The following SPAST variants were observed in gnomAD, a reference collection of about 807,000 sequenced individuals.
SPAST encodes spastin.
A neutral mutation model predicts 76.6 loss-of-function variants in SPAST; 30 were observed. That is an observed-to-expected ratio of 0.39 (90% CI 0.29 to 0.53). The LOEUF is 0.53. Ranked by LOEUF, SPAST falls within the 20% of genes least tolerant of loss-of-function variation. SPAST has a pLI of 0.68. For synonymous variants in SPAST, 305 were observed against 281.0 expected, an observed-to-expected ratio of 1.09 and a Z score of -0.86; for missense variants, 717 against 770.5, an observed-to-expected ratio of 0.93 and a Z score of 0.82.
At chr2:32,110,012 T>C (rs908849385) in intron 4 of SPAST, among the ~76,000 whole-genome samples, 2 of 148,624 alleles carry the variant, frequency 1.3e-5, no homozygotes, top group African/African-American at 4.9e-5. Flanking sequence ...TCAAAATAAC[T>C]ATGTATATAT....
intron 13 of SPAST, among the ~76,000 whole-genome samples, chr2:32,142,913 AC>A (rs1402088709): frequency 6.6e-6 from 1 of 152,088 alleles, no homozygotes; most frequent in African/African-American, 2.4e-5. Flanking sequence ...CCTCTATAAA[AC>A]TGGTTTTTTG....
chr2:32,087,587 G>T lies in SPAST; in HGVS notation c.502+9G>T. 5 of 1,497,772 alleles carry T rather than the reference G, an allele frequency of 3.3e-6. No individual in the cohort carries two copies. The highest frequency in any genetic ancestry group is 4.6e-6 in the Non-Finnish European group (5 of 1,081,502). 92.8% of individuals were successfully genotyped at this position (1,497,772 alleles called of 1,614,324 possible). On this transcript the variant is annotated intron_variant, in intron 2 of 16. Transcript: ENST00000315285. ...TATAGTTACAGGACAAGGTAAGATT[G>T]TATTTGTTTATAGCCATCCCAAATT...
At chr2:32,071,045 A>C (rs757301583) in intron 1 of SPAST, among the ~76,000 whole-genome samples, 2 of 152,194 alleles carry the variant, frequency 1.3e-5, no homozygotes, top group Non-Finnish European at 1.5e-5. Context: ...GCTCCTTGGA[A>C]TATTTGGAGG....
chr2:32,089,270 G>T (rs779916438), intron 2 of SPAST, among the ~76,000 whole-genome samples: 2 of 144,360 alleles, frequency 1.4e-5, no homozygotes, highest in African/African-American at 5.1e-5. Context: ...GAACTCCTGG[G>T]CTCAAGTGAT....
chr2:32,130,244 A>C (rs1341398743), intron 9 of SPAST: 1 of 152,160 alleles, frequency 6.6e-6, no homozygotes, highest in Non-Finnish European at 1.5e-5. Flanking sequence ...GCAGTGAGCC[A>C]CGATCATGCC....
intron 4 of SPAST, among the ~76,000 whole-genome samples, chr2:32,104,751 C>A (rs1678255204): frequency 6.6e-6 from 1 of 152,192 alleles, no homozygotes; most frequent in Admixed American, 6.5e-5. Flanking sequence ...GTTGAAAATT[C>A]TTTCCTTTAA....
intron 15 of SPAST, 62 bp from the exon 16 acceptor site, chr2:32,147,156 C>A: frequency 8.5e-7 from 1 of 1,181,188 alleles, no homozygotes; most frequent in South Asian, 1.2e-5. Flanking sequence ...TGGTTTTGCC[C>A]TTCAACAATT....
chr2:32,153,524 C>T (rs1377211552), intron 16 of SPAST, among the ~76,000 whole-genome samples: 6 of 151,646 alleles, frequency 4.0e-5, no homozygotes, highest in African/African-American at 1.5e-4. Context: ...CCATGTTGGC[C>T]AGGCTGGTCT....
At chr2:32,132,728 G>A (rs1222455169) in intron 9 of SPAST, among the ~76,000 whole-genome samples, 1 of 152,100 alleles carries the variant, frequency 6.6e-6, no homozygotes, top group Non-Finnish European at 1.5e-5. Flanking sequence ...GAAGCATTGT[G>A]CCAGGCGCAG....
intron 1 of SPAST, among the ~76,000 whole-genome samples, chr2:32,085,526 CT>C (rs1677439600): frequency 6.6e-6 from 1 of 151,860 alleles, no homozygotes; most frequent in Admixed American, 6.6e-5. Context: ...TCTTCATAAA[CT>C]TTTCTTTACA....
intron 4 of SPAST, among the ~76,000 whole-genome samples, chr2:32,113,132 A>AT (rs1233578695): frequency 2.1e-4 from 32 of 151,152 alleles, no homozygotes; most frequent in East Asian, 7.8e-4. Context: ...GATTATTATT[A>AT]TTATTTTTTT....
chr2:32,114,530 T>C, intron 4 of SPAST, 108 bp from the exon 5 acceptor site: 1 of 847,324 alleles, frequency 1.2e-6, no homozygotes, highest in Admixed American at 2.3e-5. Context: ...TTTTGAAATA[T>C]TTTTGAATTA....
At chr2:32,120,906 C>G (rs1320095714) in intron 7 of SPAST, among the ~76,000 whole-genome samples, 1 of 152,052 alleles carries the variant, frequency 6.6e-6, no homozygotes, top group Non-Finnish European at 1.5e-5. Context: ...GACTGGATGT[C>G]AAGATTTAAG....
intron 1 of SPAST, among the ~76,000 whole-genome samples, chr2:32,080,099 A>T (rs1677144533): frequency 6.6e-6 from 1 of 152,154 alleles, no homozygotes; most frequent in African/African-American, 2.4e-5. Context: ...TTCATTTTTT[A>T]AAATAATAGT....
At chr2:32,089,067 A>T (rs1362801396) in intron 2 of SPAST, among the ~76,000 whole-genome samples, 3 of 152,004 alleles carry the variant, frequency 2.0e-5, no homozygotes, top group South Asian at 2.1e-4. Context: ...TATAGGTATT[A>T]TATGTATTCT....
intron 2 of SPAST, among the ~76,000 whole-genome samples, chr2:32,088,074 G>A (rs1677564180): frequency 6.6e-6 from 1 of 151,928 alleles, no homozygotes; most frequent in African/African-American, 2.4e-5. Context: ...TTTTAGTGAA[G>A]ATGGGGTTTT....
At chr2:32,143,287 T>A (rs1679781496) in intron 13 of SPAST, 49 bp from the exon 14 acceptor site, 2 of 1,119,128 alleles carry the variant, frequency 1.8e-6, no homozygotes, top group Admixed American at 1.8e-5. Flanking sequence ...AAGAAAAGAA[T>A]CATTAATTCT....
At chr2:32,094,461 C>T (rs940950742) in intron 3 of SPAST, among the ~76,000 whole-genome samples, 1 of 152,078 alleles carries the variant, frequency 6.6e-6, no homozygotes, top group African/African-American at 2.4e-5. Flanking sequence ...TAATGGTCCA[C>T]AGAGAAGTAA....
In SPAST at chr2:32,148,612, A is replaced by G. The variant is rs187175699; in HGVS notation, c.1728+1354A>G. Among the ~76,000 whole-genome samples the G allele has an allele frequency of 2.0e-4, 30 of 152,294 alleles. 1 individual carries two copies. In the East Asian group the frequency reaches 5.0e-3, roughly 25 times the overall value. ...ATCACGAGGTCAGGAGATCGAGACC[A>G]TGCTGGCTAACATGGTGAAACCCTG... On this transcript the variant is annotated intron_variant, in intron 16 of 16. Transcript: ENST00000315285.
Sources: gnomAD v4.1 joint callset for allele counts (sites outside exome capture counted in the v4.1 genomes callset) on GRCh38, gnomAD v4.1.1 for gene constraint, MANE v1.5 for transcripts, NCBI Gene and HGNC (gene_info 2026-07-23, HGNC 2026-07-21) for gene names.